The following LUZP2 variants were observed in gnomAD, a reference collection of about 807,000 sequenced individuals.
LUZP2 encodes the protein leucine zipper protein 2.
Under a neutral mutation model 51.6 loss-of-function variants are expected in LUZP2, and 52 were observed. The ratio of observed to expected loss-of-function variants is 1.01; its 90% CI spans 0.81 to 1.27. The LOEUF is 1.27. Ranked by LOEUF, LUZP2 falls within the 50% of genes most tolerant of loss-of-function variation. The pLI is 0.00. For synonymous variants in LUZP2, 154 were observed against 137.3 expected (o/e 1.12, Z -0.85); for missense variants, 436 against 395.4 (o/e 1.10, Z -0.87).
intron 1 of LUZP2, among the ~76,000 whole-genome samples, chr11:24,620,727 G>T (rs77356929): frequency 0.026 from 3,926 of 152,194 alleles, 172 homozygotes; most frequent in African/African-American, 0.09. Context: ...ATAAGTACAT[G>T]CTCCAGAATG....
intron 1 of LUZP2, among the ~76,000 whole-genome samples, chr11:24,682,829 C>A (rs12574317): frequency 1.3e-5 from 2 of 151,532 alleles, no homozygotes; most frequent in African/African-American, 4.8e-5. Context: ...CATGGTGAAA[C>A]CCCATCTCTA....
intron 1 of LUZP2, among the ~76,000 whole-genome samples, chr11:24,676,027 C>T (rs1856538431): frequency 6.6e-6 from 1 of 151,958 alleles, no homozygotes; most frequent in South Asian, 2.1e-4. Flanking sequence ...CCATGTTGGT[C>T]AGGCTAGTCT....
chr11:24,571,092 G>C (rs554194853), intron 1 of LUZP2, among the ~76,000 whole-genome samples: 1 of 152,182 alleles, frequency 6.6e-6, no homozygotes, highest in South Asian at 2.1e-4. Context: ...TGCAACTTAA[G>C]CTGCCTGAAG....
At chr11:24,783,815 G>T (rs11821271) in intron 5 of LUZP2, among the ~76,000 whole-genome samples, 6,798 of 151,942 alleles carry the variant, frequency 0.045, 362 homozygotes, top group African/African-American at 0.13. Context: ...TTCCAAGTTT[G>T]AAACAGTAGT....
intron 1 of LUZP2, among the ~76,000 whole-genome samples, chr11:24,595,471 C>G (rs1853411276): frequency 6.6e-6 from 1 of 152,102 alleles, no homozygotes; most frequent in African/African-American, 2.4e-5. Context: ...GCAAAGCGCT[C>G]TATGAGAAAT....
intron 3 of LUZP2, among the ~76,000 whole-genome samples, chr11:24,737,078 T>C (rs1468630255): frequency 6.6e-6 from 1 of 152,046 alleles, no homozygotes; most frequent in Non-Finnish European, 1.5e-5. Flanking sequence ...TATGGTTGTG[T>C]AGAACATCAT....
chr11:25,009,422 T>C (rs1167838032), intron 9 of LUZP2, among the ~76,000 whole-genome samples: 5 of 152,212 alleles, frequency 3.3e-5, no homozygotes, highest in Non-Finnish European at 7.3e-5. Flanking sequence ...TGCTCTGAAA[T>C]ATCTAATCAA....
At chr11:24,942,120 T>A (rs957169461) in intron 7 of LUZP2, among the ~76,000 whole-genome samples, 1 of 152,194 alleles carries the variant, frequency 6.6e-6, no homozygotes, top group Non-Finnish European at 1.5e-5. Flanking sequence ...AGCTAACTGA[T>A]TGGCATTTTC....
At chr11:24,903,911 C>G (rs867662203) in intron 5 of LUZP2, among the ~76,000 whole-genome samples, 9 of 152,226 alleles carry the variant, frequency 5.9e-5, no homozygotes, top group Middle Eastern at 6.8e-3. Context: ...AAGAGTATAC[C>G]TCTCAGGCCT....
At chr11:24,902,912 A>G (rs1853323001) in intron 5 of LUZP2, among the ~76,000 whole-genome samples, 2 of 152,184 alleles carry the variant, frequency 1.3e-5, no homozygotes, top group South Asian at 4.1e-4. Flanking sequence ...TAGATACATA[A>G]ATGAACAGAA....
intron 1 of LUZP2, among the ~76,000 whole-genome samples, chr11:24,533,108 A>G (rs983683765): frequency 5.3e-5 from 8 of 151,252 alleles, no homozygotes; most frequent in South Asian, 2.1e-4. Context: ...TATTGCCTGT[A>G]TGTGTAGAAT....
In LUZP2 at chr11:25,049,490, G is replaced by C. The variant is rs75297194; in HGVS notation, c.766-548G>C. On this transcript the variant is annotated intron_variant, in intron 9 of 11. Transcript: ENST00000336930. The stretch of plus-strand genomic sequence containing the variant: ...TTATTCTCTTCTTTTATTTTCAATT[G>C]TGTTTCTAGAGAGATGAATTCTAGA... Among the ~76,000 whole-genome samples, 1,198 of 151,610 alleles carry C rather than the reference G, an allele frequency of 7.9e-3. 34 individuals carry two copies. The East Asian group carries it at 0.1, about 13-fold the overall frequency.
intron 4 of LUZP2, among the ~76,000 whole-genome samples, chr11:24,755,862 A>AT (rs1289054586): frequency 2.0e-5 from 3 of 152,120 alleles, no homozygotes; most frequent in Non-Finnish European, 4.4e-5. Context: ...TTCTTACCAT[A>AT]TTTTGAAATG....
intron 1 of LUZP2, among the ~76,000 whole-genome samples, chr11:24,632,376 T>C (rs1035657554): frequency 6.6e-6 from 1 of 152,018 alleles, no homozygotes; most frequent in African/African-American, 2.4e-5. Context: ...AGAGCAAATG[T>C]CACCTAGAAA....
chr11:24,997,351 G>T (rs1396359002), intron 9 of LUZP2, among the ~76,000 whole-genome samples: 3 of 152,144 alleles, frequency 2.0e-5, no homozygotes, highest in Non-Finnish European at 4.4e-5. Flanking sequence ...GTTTTGATTT[G>T]CATTTCTCTG....
At chr11:24,566,472 G>T (rs138299268) in intron 1 of LUZP2, among the ~76,000 whole-genome samples, 22,226 of 148,602 alleles carry the variant, frequency 0.15, 1,805 homozygotes, top group African/African-American at 0.2. Flanking sequence ...GGGACTACAG[G>T]CACGTGCCAC....
At chr11:24,923,489 G>A (rs1425956379) in intron 7 of LUZP2, among the ~76,000 whole-genome samples, 1 of 151,954 alleles carries the variant, frequency 6.6e-6, no homozygotes, top group Non-Finnish European at 1.5e-5. Flanking sequence ...CTGAGGTCAG[G>A]AGATTGAGAC....
At chr11:24,819,887 C>T (rs989237026) in intron 5 of LUZP2, among the ~76,000 whole-genome samples, 2 of 152,052 alleles carry the variant, frequency 1.3e-5, no homozygotes, top group Non-Finnish European at 2.9e-5. Context: ...GAGCAAAAGA[C>T]ACTAGGCACA....
intron 1 of LUZP2, among the ~76,000 whole-genome samples, chr11:24,728,963 G>A (rs926885212): frequency 5.3e-5 from 8 of 151,992 alleles, no homozygotes; most frequent in African/African-American, 1.9e-4. Flanking sequence ...CTGGAGTATA[G>A]CTAGCCCTCA....
Sources: gnomAD v4.1 joint callset for allele counts (sites outside exome capture counted in the v4.1 genomes callset) on GRCh38, gnomAD v4.1.1 for gene constraint, MANE v1.5 for transcripts, NCBI Gene and HGNC (gene_info 2026-07-23, HGNC 2026-07-21) for gene names.